ACP6: variants seen among roughly 807,000 people sequenced by gnomAD.
ACP6 encodes lysophosphatidic acid phosphatase type 6.
A neutral mutation model predicts 48.1 loss-of-function variants in ACP6; 48 were observed. The observed-to-expected ratio is 1.00, with a 90% CI of 0.79 to 1.27. ACP6 has a LOEUF of 1.27. Among genes scored for constraint, ACP6 ranks in the 50% most tolerant of loss-of-function variants. ACP6 has a pLI of 0.00. For synonymous variants in ACP6, 172 were observed against 204.2 expected (o/e 0.84, Z 1.34); for missense variants, 485 against 529.1 (o/e 0.92, Z 0.82).
rs781954412 is a variant in ACP6, at chr1:147,659,420, G to A, written c.455C>T (p.Pro152Leu). 4.6e-5 allele frequency: 74 copies of A among 1,614,036 alleles called. No homozygotes were observed. In the South Asian group the frequency reaches 8.1e-4, roughly 18 times the overall value. The change falls in exon 3 of 10, where the codon CCA becomes CTA. Residue 152 changes from proline (P) to leucine (L), a missense_variant. Pro to Leu is a moderately conservative substitution (Grantham distance 98). Transcript: ENST00000583509. ...CAAGACCTCCTGTGGGTTGAAGGTT[G>A]GTGAAAGAAAGGGAATGTCTTCCAC... is the stretch of plus-strand genomic sequence containing the variant. The part of the protein sequence containing the change: ...NYVEDIPFLS[P>L]TFNPQEVFIR...
chr1:147,652,675 C>CAGCTATGTCTGTTAACAGGTCAAGA, intron 6 of ACP6, 126 bp from the exon 7 acceptor site: 1 of 1,595,628 alleles, frequency 6.3e-7, no homozygotes, highest in East Asian at 2.2e-5. Context: ...GGCTCAAGAA[C>CAGCTATGTCTGTTAACAGGTCAAGA]AGCTATGTCT....
At chr1:147,639,642 G>C (rs1455140168), downstream of ACP6, among the ~76,000 whole-genome samples, 1 of 152,184 alleles carries the variant, frequency 6.6e-6, no homozygotes, top group East Asian at 1.9e-4. Flanking sequence ...AGCCTCTGAA[G>C]CACTGCTTGG....
chr1:147,659,486 T>C lies in ACP6; in HGVS notation c.389A>G (p.Gln130Arg). ...FAGQLTKVGMQQMFALGERLR... is the reference protein window; with the variant it reads ...FAGQLTKVGMRQMFALGERLR... ...TCTCTCTCCCAAGGCAAACATTTGCTGCATGCCCACCTTGGTCAGCTGCCC... is the reference window on the plus strand; with the variant it reads ...TCTCTCTCCCAAGGCAAACATTTGCCGCATGCCCACCTTGGTCAGCTGCCC... The change falls in exon 3 of 10, where the codon CAG becomes CGG. Residue 130 changes from glutamine (Q) to arginine (R), a missense_variant. By Grantham distance (43) the Gln-to-Arg change is conservative. Coordinates refer to ENST00000583509, the MANE Select transcript of ACP6 (RefSeq NM_016361.5). 1 of 1,614,234 alleles carries C rather than the reference T, an allele frequency of 6.2e-7. No homozygotes were observed. Among genetic ancestry groups the C allele is most frequent in the Non-Finnish European group, 8.5e-7 (1 of 1,180,038 alleles).
exon 6 of ACP6, chr1:147,630,054 A>G (rs1553207164): frequency 4.6e-5 from 7 of 152,238 alleles, no homozygotes; most frequent in Non-Finnish European, 1.0e-4. Flanking sequence ...TATTTCACCA[A>G]ACACGAAAGA....
intron 6 of ACP6, among the ~76,000 whole-genome samples, chr1:147,652,901 A>C (rs1660023429): frequency 1.3e-5 from 2 of 152,214 alleles, no homozygotes. Context: ...ATCTCGGCTC[A>C]CTGCAAGCTC....
rs1553210274 is a variant in ACP6, at chr1:147,650,232, A to C, written c.888T>G (p.Ser296Arg). ...GGAATGGGCCTACTGCCATCTGAAG[A>C]CTTTCCCTGTGAAAAGTGAACAACA... ...LYILPKEDRE[S>R]LQMAVGPFLH... is the part of the protein sequence containing the mutation. Residue 296 changes from serine (S) to arginine (R), a missense_variant, in exon 8 of 10, where the codon AGT becomes AGG. Coordinates refer to ENST00000583509, the MANE Select transcript of ACP6 (RefSeq NM_016361.5). 1 of 1,597,592 alleles carries C rather than the reference A, an allele frequency of 6.3e-7. No homozygotes were observed. Among genetic ancestry groups the C allele is most frequent in the African/African-American group, 1.4e-5 (1 of 73,812 alleles).
chr1:147,667,666 C>T (rs1660866323), intron 1 of ACP6, among the ~76,000 whole-genome samples: 1 of 151,640 alleles, frequency 6.6e-6, no homozygotes, highest in Non-Finnish European at 1.5e-5. Context: ...TCCCTTCTGA[C>T]TATAATTAAT....
chr1:147,658,205 A>G (rs1660353368), intron 4 of ACP6, among the ~76,000 whole-genome samples: 1 of 152,218 alleles, frequency 6.6e-6, no homozygotes, highest in Non-Finnish European at 1.5e-5. Context: ...ATTATTTTAC[A>G]TATTTCTTAA....
chr1:147,650,370 C>A, intron 7 of ACP6, 132 bp from the exon 8 acceptor site: 1 of 587,834 alleles, frequency 1.7e-6, no homozygotes, highest in East Asian at 3.3e-5. Context: ...TAAGGGCCAG[C>A]AACGGGCCAG....
intron 5 of ACP6, among the ~76,000 whole-genome samples, chr1:147,636,740 G>A (rs1659313437): frequency 1.3e-5 from 2 of 152,186 alleles, no homozygotes; most frequent in South Asian, 4.1e-4. Context: ...AGGCTGTAAT[G>A]CAAAAAGATA....
In ACP6 at chr1:147,655,202, A is replaced by G; in HGVS notation, c.606T>C (p.Tyr202=). The part of the protein sequence containing the change: ...HTDEADSEVL[Y]PNYQSCWSLR... ...GGCTCCAGCAGCTTTGGTAGTTGGG[A>G]TACAAGACTTCTGAATCTGCTTCAT... The change falls in exon 5 of 10, where the codon TAT becomes TAC. Residue 202 remains tyrosine, a synonymous_variant. Transcript: ENST00000583509. 3.1e-6 allele frequency: 5 copies of G among 1,609,478 alleles called. No individual in the cohort carries two copies. Among genetic ancestry groups the G allele is most frequent in the Non-Finnish European group, 4.2e-6 (5 of 1,177,706 alleles).
At chr1:147,648,098 C>G in intron 9 of ACP6, 148 bp downstream of exon 9, 3 of 873,070 alleles carry the variant, frequency 3.4e-6, no homozygotes, top group Non-Finnish European at 3.5e-6. Context: ...TGGGCCATAG[C>G]CAGGAGTTGC....
intron 1 of ACP6, among the ~76,000 whole-genome samples, chr1:147,662,796 T>C (rs1156254981): frequency 6.6e-6 from 1 of 152,240 alleles, no homozygotes; most frequent in South Asian, 2.1e-4. Flanking sequence ...GATGTTCTAT[T>C]GTGGGTAAAA....
In ACP6 at chr1:147,650,479, T is replaced by C. The variant is rs1251313298; in HGVS notation, c.882-241A>G. ...CACACAGACCTGTTGTGAACACAACTGAGATGGGAGGGGCTGAGGGAGCAG... is the reference window on the plus strand; with the variant it reads ...CACACAGACCTGTTGTGAACACAACCGAGATGGGAGGGGCTGAGGGAGCAG... On this transcript the variant is annotated intron_variant, in intron 7 of 9. Transcript: ENST00000583509. The C allele has an allele frequency of 2.5e-5, 10 of 404,900 alleles. No homozygotes were observed. In the Admixed American group the frequency reaches 4.2e-4, roughly 17 times the overall value. 25.1% of individuals were successfully genotyped at this position (404,900 alleles called of 1,614,324 possible).
chr1:147,652,717 C>CCTG, intron 6 of ACP6, 168 bp from the exon 7 acceptor site: 1 of 1,400,360 alleles, frequency 7.1e-7, no homozygotes, highest in Non-Finnish European at 9.8e-7. Context: ...GTCTCTAAAG[C>CCTG]TCTTCCAAAG....
intron 8 of ACP6, 24 bp from the exon 9 acceptor site, chr1:147,648,435 C>T (rs1407260788): frequency 6.2e-7 from 1 of 1,612,980 alleles, no homozygotes. Flanking sequence ...CAGCTCTCCA[C>T]AATTCTCTGC....
rs1206948652 is a variant in ACP6 at position 147,642,998 on chromosome 1, C to T, written c.*4425G>A. On this transcript the variant is annotated 3_prime_UTR_variant, in exon 10 of 10. Transcript: ENST00000583509. ...AGCATTGGTTTCTTCTGAGGCCTCT[C>T]TCCTTGACTTGCAGATAGTCATCTT... The T allele has an allele frequency of 6.6e-6, 1 of 152,220 alleles. No homozygotes were observed. The highest frequency in any genetic ancestry group is 1.5e-5 in the Non-Finnish European group (1 of 68,058). 9.4% of individuals were successfully genotyped at this position (152,220 alleles called of 1,614,324 possible).
At chr1:147,663,386 A>G (rs1269345773) in intron 1 of ACP6, among the ~76,000 whole-genome samples, 1 of 152,236 alleles carries the variant, frequency 6.6e-6, no homozygotes, top group Non-Finnish European at 1.5e-5. Flanking sequence ...TCTATTGTAC[A>G]GGATGGTGAC....
Position 147,658,477 on chromosome 1 carries a change from G to A in ACP6, c.559+483C>T, listed in dbSNP as rs115060070. 5.1e-3 allele frequency among the ~76,000 whole-genome samples: 770 copies of A among 152,286 alleles called. 10 individuals are homozygous for A. Among genetic ancestry groups the A allele is most frequent in the African/African-American group, 0.018 (739 of 41,550 alleles). On this transcript the variant is annotated intron_variant, in intron 4 of 9. Transcript: ENST00000583509. ...ATGAAAAGGTTGGGAACCACTGACT[G>A]CAACCATTCAGGGGCTGAATGTATC...
Sources: gnomAD v4.1 joint callset for allele counts (sites outside exome capture counted in the v4.1 genomes callset) on GRCh38, gnomAD v4.1.1 for gene constraint, MANE v1.5 for transcripts, NCBI Gene and HGNC (gene_info 2026-07-23, HGNC 2026-07-21) for gene names.